PIAS1: variants seen among roughly 807,000 people sequenced by gnomAD.
PIAS1 encodes the protein protein inhibitor of activated STAT 1, also known as E3 SUMO-protein ligase PIAS1.
PIAS1 carries 6 observed loss-of-function variants against 71.3 expected under a neutral mutation model. That is an observed-to-expected ratio of 0.08 (90% CI 0.05 to 0.17). The LOEUF (loss-of-function observed/expected upper bound fraction) is 0.17, where lower values mean the gene tolerates loss of function less well. PIAS1 is among the 10% of genes least tolerant of loss of function. The pLI, the probability that PIAS1 is intolerant of heterozygous loss-of-function variation, is 1.00. For missense variants in PIAS1, 555 were observed against 793.6 expected (o/e 0.70, Z 3.61); for synonymous variants, 303 against 292.9 (o/e 1.03, Z -0.35).
In PIAS1 at chr15:68,054,763, C is replaced by G. The variant is rs1025415130; in HGVS notation, c.24+413C>G. 1 of 159,356 alleles carries G rather than the reference C, an allele frequency of 6.3e-6. No individual in the cohort carries two copies. The highest frequency in any genetic ancestry group is 1.8e-4 in the East Asian group (1 of 5,648). 9.9% of individuals were successfully genotyped at this position (159,356 alleles called of 1,614,324 possible). A position where few individuals can be genotyped will look rare whatever the true frequency, so the allele number is the denominator to read the frequency against. The stretch of plus-strand genomic sequence containing the variant: ...TGGGAAAGCTCCCCGTGGCCGCTTC[C>G]TCTTCCTCCTTTGCAGTCCCGGGCT... On this transcript the variant is annotated intron_variant, in intron 1 of 13. Transcript: ENST00000249636. The surrounding 1 kb of genome is among the most constrained non-coding windows in gnomAD (Gnocchi z 4.6).
At chr15:68,181,540 A>G (rs547119447) in intron 12 of PIAS1, 186 bp downstream of exon 12, 1 of 540,592 alleles carries the variant, frequency 1.8e-6, no homozygotes, top group African/African-American at 1.9e-5. Context: ...TTGTACTGTC[A>G]TCAGTAGCCA....
intron 1 of PIAS1, among the ~76,000 whole-genome samples, chr15:68,060,396 C>T (rs1377608760): frequency 1.3e-5 from 2 of 151,994 alleles, no homozygotes; most frequent in African/African-American, 4.8e-5. Context: ...GGACAGATCA[C>T]GAGGTCAGGA....
intron 11 of PIAS1, among the ~76,000 whole-genome samples, chr15:68,180,939 A>G (rs1217786449): frequency 6.6e-6 from 1 of 152,204 alleles, no homozygotes; most frequent in Admixed American, 6.5e-5. Flanking sequence ...TTGAAAGCAT[A>G]GGTGATGATA....
Position 68,086,205 on chromosome 15 carries a change from C to T in PIAS1, c.25-101C>T, listed in dbSNP as rs1322280785. ...TTATAAGTGAGCTGGCCTTTATTTGCTTAAGTAAACCATAAGAAGGGGGTT... is the reference window on the plus strand; with the variant it reads ...TTATAAGTGAGCTGGCCTTTATTTGTTTAAGTAAACCATAAGAAGGGGGTT... On this transcript the variant is annotated intron_variant, in intron 1 of 13. Transcript: ENST00000249636. This position sits in a 1 kb window ranked among gnomAD's most constrained non-coding sequence, Gnocchi z 7.2. The T allele has an allele frequency of 1.0e-5, 8 of 796,560 alleles. No individual in the cohort carries two copies. The African/African-American group carries it at 1.4e-4, about 14-fold the overall frequency. The allele number at this position is 796,560 out of a possible 1,614,324, so 49.3% of individuals were successfully genotyped here.
At chr15:68,137,474 A>G (rs1325900146) in intron 2 of PIAS1, among the ~76,000 whole-genome samples, 1 of 152,192 alleles carries the variant, frequency 6.6e-6, no homozygotes, top group Non-Finnish European at 1.5e-5. Context: ...AGTTACAATA[A>G]GAGGATAATA....
chr15:68,078,364 T>C (rs2092193246), intron 1 of PIAS1, among the ~76,000 whole-genome samples: 1 of 152,226 alleles, frequency 6.6e-6, no homozygotes, highest in African/African-American at 2.4e-5. Context: ...TGTTGCCATG[T>C]CTTTTAGCCA....
At chr15:68,075,078 CTTTTTTTTTTT>C (rs146114696) in intron 1 of PIAS1, among the ~76,000 whole-genome samples, 76 of 81,788 alleles carry the variant, frequency 9.3e-4, no homozygotes, top group East Asian at 7.3e-4. Context: ...TTCTTTCTTT[CTTTTTTTTTTT>C]TTTTTTTTTT....
intron 2 of PIAS1, among the ~76,000 whole-genome samples, chr15:68,096,756 C>T (rs770301360): frequency 6.5e-4 from 98 of 151,878 alleles, no homozygotes; most frequent in Non-Finnish European, 6.6e-4. Flanking sequence ...TTTTGTGTGT[C>T]GATTTTGTAT....
intron 2 of PIAS1, among the ~76,000 whole-genome samples, chr15:68,138,998 A>G (rs1460532954): frequency 6.6e-6 from 1 of 152,184 alleles, no homozygotes; most frequent in Non-Finnish European, 1.5e-5. Flanking sequence ...ACGGCCTCAT[A>G]TATTTTGACT....
chr15:68,176,722 C>T (rs1567077786), intron 11 of PIAS1, 68 bp downstream of exon 11: 6 of 1,042,842 alleles, frequency 5.8e-6, no homozygotes, highest in Non-Finnish European at 8.2e-6. Flanking sequence ...GGATTAAAGA[C>T]TTGCCAAATA....
At position 68,188,710 on chromosome 15, in the gene PIAS1, T is replaced by C. The variant is rs2093103683; in HGVS notation, c.*875T>C. 1 of 152,228 alleles carries C rather than the reference T, an allele frequency of 6.6e-6. No individual in the cohort carries two copies. Among genetic ancestry groups the C allele is most frequent in the Admixed American group, 6.5e-5 (1 of 15,280 alleles). 9.4% of individuals were successfully genotyped at this position (152,228 alleles called of 1,614,324 possible). A position where few individuals can be genotyped will look rare whatever the true frequency, so the allele number is the denominator to read the frequency against. ...CTATGAATAATACACTTTAGTCTAGTTCTTTATTCTAAATCTGGATTGCCA... is the reference window on the plus strand; with the variant it reads ...CTATGAATAATACACTTTAGTCTAGCTCTTTATTCTAAATCTGGATTGCCA... On this transcript the variant is annotated 3_prime_UTR_variant, in exon 14 of 14. Coordinates refer to ENST00000249636, the MANE Select transcript of PIAS1 (RefSeq NM_016166.3).
intron 2 of PIAS1, among the ~76,000 whole-genome samples, chr15:68,138,344 C>T (rs1282702511): frequency 6.6e-6 from 1 of 152,038 alleles, no homozygotes; most frequent in East Asian, 1.9e-4. Flanking sequence ...TTTCATTGAC[C>T]AAGGGTAATG....
intron 2 of PIAS1, among the ~76,000 whole-genome samples, chr15:68,093,967 T>C (rs2092353672): frequency 6.6e-6 from 1 of 152,172 alleles, no homozygotes; most frequent in Admixed American, 6.5e-5. Flanking sequence ...ATCTGAAACA[T>C]TGAGAAACAC....
chr15:68,181,077 T>C (rs538654653), intron 11 of PIAS1, 135 bp from the exon 12 acceptor site: 1 of 662,246 alleles, frequency 1.5e-6, no homozygotes, highest in South Asian at 1.9e-5. Context: ...ATCTAAATTA[T>C]ACATTGCTTT....
In PIAS1 at chr15:68,188,125, C is replaced by T. The variant is rs1167554120; in HGVS notation, c.*290C>T. On this transcript the variant is annotated 3_prime_UTR_variant, in exon 14 of 14. Transcript: ENST00000249636. ...AAGCACCCACAAACCACCTTCAGTTCATTTTTTTCTGGATTCTGAAGATTT... is the reference window on the plus strand; with the variant it reads ...AAGCACCCACAAACCACCTTCAGTTTATTTTTTTCTGGATTCTGAAGATTT... 4 of 212,918 alleles carry T rather than the reference C, an allele frequency of 1.9e-5. No homozygotes were observed. Among genetic ancestry groups the T allele is most frequent in the African/African-American group, 9.2e-5 (4 of 43,532 alleles). The allele number at this position is 212,918 out of a possible 1,614,324, so 13.2% of individuals were successfully genotyped here. A position where few individuals can be genotyped will look rare whatever the true frequency, so the allele number is the denominator to read the frequency against.
intron 1 of PIAS1, among the ~76,000 whole-genome samples, chr15:68,075,587 A>G (rs1005731543): frequency 1.3e-5 from 2 of 152,198 alleles, no homozygotes; most frequent in Admixed American, 6.5e-5. Flanking sequence ...CTTATCTGTA[A>G]CTAGTAGAAT....
At chr15:68,152,274 C>G (rs1481099345) in intron 6 of PIAS1, among the ~76,000 whole-genome samples, 1 of 152,036 alleles carries the variant, frequency 6.6e-6, no homozygotes, top group Non-Finnish European at 1.5e-5. Flanking sequence ...TTACTTGTTC[C>G]TCATTAATGT....
At chr15:68,079,705 C>T (rs1023687130) in intron 1 of PIAS1, among the ~76,000 whole-genome samples, 8 of 151,996 alleles carry the variant, frequency 5.3e-5, no homozygotes, top group Non-Finnish European at 1.0e-4. Context: ...TCTCAAACTC[C>T]TGGGCTCAAG....
chr15:68,134,388 A>G, intron 2 of PIAS1, among the ~76,000 whole-genome samples: 1 of 38,578 alleles, frequency 2.6e-5, no homozygotes, highest in East Asian at 7.8e-4. Flanking sequence ...TCCCTCCCAG[A>G]CAGGGCGGCT....
Sources: allele counts gnomAD v4.1 joint callset (sites outside exome capture counted in the v4.1 genomes callset), GRCh38; gene constraint gnomAD v4.1.1; non-coding constraint Gnocchi (gnomAD v3.1); transcripts MANE v1.5; gene names NCBI Gene and HGNC (gene_info 2026-07-23, HGNC 2026-07-21).